The following CHSY3 variants were observed in gnomAD, a reference collection of about 807,000 sequenced individuals.
CHSY3 encodes the protein N-acetylgalactosaminyl-proteoglycan 3-beta-glucuronosyltransferase 3.
A neutral mutation model predicts 67.2 loss-of-function variants in CHSY3; 35 were observed. The ratio of observed to expected loss-of-function variants is 0.52; its 90% CI spans 0.40 to 0.69. The LOEUF (loss-of-function observed/expected upper bound fraction) is 0.69, where lower values mean the gene tolerates loss of function less well. CHSY3 is among the 30% of genes least tolerant of loss of function. The probability of loss-of-function intolerance (pLI) is 0.00; values close to 1 mark genes in which losing one functional copy is unlikely to be tolerated. For missense variants in CHSY3, 1,069 were observed against 1,138.5 expected, an observed-to-expected ratio of 0.94 and a Z score of 0.88; for synonymous variants, 474 against 434.7, an observed-to-expected ratio of 1.09 and a Z score of -1.12.
rs574759728 is a variant in CHSY3, at chr5:129,911,393, G to A, written c.1086+3033G>A. On this transcript the variant is annotated intron_variant, in intron 2 of 2. Transcript: ENST00000305031. ...ACACTTACTAGTTTAATTGTCTTTT[G>A]CAAGTTACTTCTTTAAGTCGTGTGT... Among the ~76,000 whole-genome samples, 9 of 152,244 alleles carry A rather than the reference G, an allele frequency of 5.9e-5. No homozygotes were observed. The South Asian group carries it at 1.7e-3, about 28-fold the overall frequency.
At chr5:130,175,842 T>A (rs767857105) in intron 2 of CHSY3, among the ~76,000 whole-genome samples, 1 of 151,676 alleles carries the variant, frequency 6.6e-6, no homozygotes, top group Admixed American at 6.6e-5. Flanking sequence ...TTACACCTTA[T>A]AAATTAACTG....
intron 2 of CHSY3, among the ~76,000 whole-genome samples, chr5:130,179,845 T>G (rs938338117): frequency 6.6e-6 from 1 of 152,224 alleles, no homozygotes; most frequent in Non-Finnish European, 1.5e-5. Context: ...TAGATTTATT[T>G]TGGTAGGAGT....
At chr5:130,073,161 C>CA (rs920514447) in intron 2 of CHSY3, among the ~76,000 whole-genome samples, 20 of 150,812 alleles carry the variant, frequency 1.3e-4, no homozygotes, top group African/African-American at 3.2e-4. Flanking sequence ...TGTACTCATG[C>CA]AAAAAAAATA....
At chr5:129,920,294 A>G (rs1760876550) in intron 2 of CHSY3, among the ~76,000 whole-genome samples, 1 of 152,218 alleles carries the variant, frequency 6.6e-6, no homozygotes, top group Non-Finnish European at 1.5e-5. Flanking sequence ...CCGAGGCTGT[A>G]GTGCACTGGT....
chr5:130,054,160 TG>T (rs1307594384), intron 2 of CHSY3, among the ~76,000 whole-genome samples: 1 of 152,224 alleles, frequency 6.6e-6, no homozygotes, highest in Non-Finnish European at 1.5e-5. Context: ...GGGAGAATTC[TG>T]GCTCATTCTT....
intron 2 of CHSY3, among the ~76,000 whole-genome samples, chr5:129,994,483 C>G (rs1429913477): frequency 6.6e-6 from 1 of 152,110 alleles, no homozygotes; most frequent in Non-Finnish European, 1.5e-5. Context: ...CACTGATACC[C>G]TTTCTTCCAG....
chr5:130,021,582 C>T (rs1022161316), intron 2 of CHSY3, among the ~76,000 whole-genome samples: 1 of 152,060 alleles, frequency 6.6e-6, no homozygotes, highest in African/African-American at 2.4e-5. Flanking sequence ...CCCCGTCTCA[C>T]ACTCTCTCAC....
chr5:130,133,299 T>C (rs931765774), intron 2 of CHSY3, among the ~76,000 whole-genome samples: 3 of 152,110 alleles, frequency 2.0e-5, no homozygotes, highest in Admixed American at 6.6e-5. Context: ...TTTTTTCTTC[T>C]CCTAGTCAGA....
intron 2 of CHSY3, among the ~76,000 whole-genome samples, chr5:130,183,300 A>G (rs1470826468): frequency 6.6e-6 from 1 of 152,126 alleles, no homozygotes; most frequent in Non-Finnish European, 1.5e-5. Context: ...ACTAGCAGAA[A>G]GTCTTTTTGT....
chr5:130,020,451 ATATATATATATT>A (rs1159912612), intron 2 of CHSY3, among the ~76,000 whole-genome samples: 13 of 13,890 alleles, frequency 9.4e-4, no homozygotes, highest in African/African-American at 6.0e-3. Context: ...ATATATATAT[ATATATATATATT>A]TTTTTTTTTT....
intron 2 of CHSY3, chr5:129,974,771 A>G (rs990656605): frequency 6.6e-6 from 1 of 152,180 alleles, no homozygotes; most frequent in African/African-American, 2.4e-5. Flanking sequence ...TCAGGACACC[A>G]TAGAATGTCT....
intron 2 of CHSY3, among the ~76,000 whole-genome samples, chr5:129,969,187 T>A (rs2149612588): frequency 6.6e-6 from 1 of 151,926 alleles, no homozygotes; most frequent in Non-Finnish European, 1.5e-5. Context: ...AAATGATACT[T>A]CAAAAAATTT....
At chr5:130,093,415 T>C (rs1766943319) in intron 2 of CHSY3, among the ~76,000 whole-genome samples, 1 of 152,212 alleles carries the variant, frequency 6.6e-6, no homozygotes, top group African/African-American at 2.4e-5. Context: ...AGAAACTATA[T>C]ATGTTTGGTT....
At chr5:129,972,994 A>G (rs780245645) in intron 2 of CHSY3, among the ~76,000 whole-genome samples, 6 of 151,904 alleles carry the variant, frequency 3.9e-5, no homozygotes, top group Non-Finnish European at 5.9e-5. Flanking sequence ...ATGCTTTTTC[A>G]TGGTGAGTTT....
At chr5:129,978,702 A>G (rs971462069) in intron 2 of CHSY3, among the ~76,000 whole-genome samples, 1 of 152,180 alleles carries the variant, frequency 6.6e-6, no homozygotes, top group Non-Finnish European at 1.5e-5. Flanking sequence ...CTTTTCTTTA[A>G]TAATTTATAT....
intron 2 of CHSY3, among the ~76,000 whole-genome samples, chr5:130,170,056 G>A (rs1769857176): frequency 6.6e-6 from 1 of 152,054 alleles, no homozygotes; most frequent in Admixed American, 6.6e-5. Flanking sequence ...TACTAGTAGG[G>A]ACAGGGCTTC....
intron 2 of CHSY3, among the ~76,000 whole-genome samples, chr5:130,159,862 C>A (rs1329846930): frequency 6.6e-6 from 1 of 152,150 alleles, no homozygotes; most frequent in Non-Finnish European, 1.5e-5. Flanking sequence ...CAGTACTTAC[C>A]ATGGAACAGT....
At chr5:130,155,634 T>TG (rs754774525) in intron 2 of CHSY3, among the ~76,000 whole-genome samples, 22 of 152,126 alleles carry the variant, frequency 1.4e-4, no homozygotes, top group Non-Finnish European at 3.2e-4. Flanking sequence ...AGGCTCCTCG[T>TG]GGGGTAAAAA....
At chr5:130,024,315 A>G (rs2149655824) in intron 2 of CHSY3, among the ~76,000 whole-genome samples, 1 of 152,224 alleles carries the variant, frequency 6.6e-6, no homozygotes, top group South Asian at 2.1e-4. Context: ...AATGAGTTTG[A>G]TAAGATTTAA....
Sources: allele counts gnomAD v4.1 joint callset (sites outside exome capture counted in the v4.1 genomes callset), GRCh38; gene constraint gnomAD v4.1.1; transcripts MANE v1.5; gene names NCBI Gene and HGNC (gene_info 2026-07-23, HGNC 2026-07-21).